The following LARP1 variants were observed in gnomAD, a reference collection of about 807,000 sequenced individuals.
The protein encoded by LARP1 is la-related protein 1.
A neutral mutation model predicts 122.7 loss-of-function variants in LARP1; 36 were observed. That is an observed-to-expected ratio of 0.29 (90% CI 0.22 to 0.39). The LOEUF is 0.39. LARP1 is among the 10% of genes least tolerant of loss of function. The probability of loss-of-function intolerance (pLI) is 1.00; values close to 1 mark genes in which losing one functional copy is unlikely to be tolerated. For missense variants in LARP1, 1,040 were observed against 1,403.6 expected (o/e 0.74, Z 4.14); for synonymous variants, 539 against 528.7 (o/e 1.02, Z -0.27).
chr5:154,744,616 A>ATTTTTT lies in LARP1; in HGVS notation c.205+31520_205+31525dup, dbSNP rs748853573. Among the ~76,000 whole-genome samples, 230 of 72,000 alleles carry ATTTTTT rather than the reference A, an allele frequency of 3.2e-3. 52 individuals are homozygous for ATTTTTT. The highest frequency in any genetic ancestry group is 5.6e-3 in the Non-Finnish European group (195 of 35,052). 47.2% of individuals were successfully genotyped at this position (72,000 alleles called of 152,430 possible). A position where few individuals can be genotyped will look rare whatever the true frequency, so the allele number is the denominator to read the frequency against. ...CAGGGGAAAGGGCATTGGATATGCA[A>ATTTTTT]TTTTTTTTTTTTTTTTTTTTTTTTT... On this transcript the variant is annotated intron_variant, in intron 1 of 18. Transcript: ENST00000336314.
At chr5:154,709,859 T>C (rs1227535525), upstream of LARP1, among the ~76,000 whole-genome samples, 1 of 152,158 alleles carries the variant, frequency 6.6e-6, no homozygotes, top group Non-Finnish European at 1.5e-5. Flanking sequence ...TGATTTATTA[T>C]GGTCTCTGTG....
intron 8 of LARP1, among the ~76,000 whole-genome samples, chr5:154,795,836 T>TTA (rs1757711077): frequency 7.4e-6 from 1 of 134,880 alleles, no homozygotes; most frequent in South Asian, 2.2e-4. Flanking sequence ...TATATATATT[T>TTA]TATATATATT....
At chr5:154,750,968 G>T (rs1260748254), upstream of LARP1, among the ~76,000 whole-genome samples, 2 of 152,122 alleles carry the variant, frequency 1.3e-5, no homozygotes, top group African/African-American at 4.8e-5. Context: ...CCTGATCCTT[G>T]TCACTTTCTG....
intron 8 of LARP1, among the ~76,000 whole-genome samples, chr5:154,798,485 G>A (rs769348577): frequency 2.6e-5 from 4 of 152,256 alleles, no homozygotes; most frequent in Non-Finnish European, 2.9e-5. Context: ...TGTGTGGAAT[G>A]CTCCATGTTT....
intron 7 of LARP1, 27 bp downstream of exon 7, chr5:154,794,289 T>C: frequency 6.2e-7 from 1 of 1,607,222 alleles, no homozygotes; most frequent in Non-Finnish European, 8.5e-7. Context: ...CTTCTTACCC[T>C]GGAGAAATGA....
chr5:154,776,773 TCA>T (rs537903466), intron 1 of LARP1, among the ~76,000 whole-genome samples: 304 of 152,354 alleles, frequency 2.0e-3, no homozygotes, highest in African/African-American at 7.2e-3. Context: ...GCCTGCTAGC[TCA>T]CTGATCTACA....
Position 154,693,604 on chromosome 5 carries a change from C to T in LARP1, c.-180+10567C>T, listed in dbSNP as rs1389139300. Among the ~76,000 whole-genome samples the T allele has an allele frequency of 5.3e-5, 8 of 151,940 alleles. No individual in the cohort carries two copies. The South Asian group carries it at 1.5e-3, about 28-fold the overall frequency. Reference sequence around the variant, plus strand: ...GGCGCGGTGGCTCACACCTGTAATCCCAGCACTTTGGGAGGCCGAGGCGGG... The same window carrying T: ...GGCGCGGTGGCTCACACCTGTAATCTCAGCACTTTGGGAGGCCGAGGCGGG... On this transcript the variant is annotated intron_variant, in intron 1 of 18. Transcript: ENST00000687700.
At position 154,793,965 on chromosome 5, in the gene LARP1, G is replaced by T; in HGVS notation, c.1034G>T (p.Gly345Val). ...ASFRGRGRGR[G>V]RGRGRGRGGT... is the part of the protein sequence containing the mutation. ...TTCCGTGGCCGTGGACGGGGGCGTG[G>T]TCGCGGCCGGGGACGCGGCCGGGGT... Residue 345 changes from glycine (G) to valine (V), a missense_variant, in exon 6 of 19, where the codon GGT becomes GTT. Gly to Val is a moderately radical substitution (Grantham distance 109, BLOSUM62 -3). Around this residue, in one of 8 missense-constraint regions of LARP1, gnomAD observed 178 missense variants for 178.3 expected, o/e 1.00. Transcript: ENST00000518297. 1.2e-6 allele frequency: 2 copies of T among 1,611,828 alleles called. No individual in the cohort carries two copies. Among genetic ancestry groups the T allele is most frequent in the Non-Finnish European group, 1.7e-6 (2 of 1,178,422 alleles).
At chr5:154,805,052 A>G (rs771169348) in intron 14 of LARP1, 13 of 379,542 alleles carry the variant, frequency 3.4e-5, no homozygotes, top group African/African-American at 6.3e-5. Flanking sequence ...TTTGCATATT[A>G]TATGTATTAC....
At position 154,800,430 on chromosome 5, in the gene LARP1, C is replaced by T. The variant is rs534223944; in HGVS notation, c.1716+388C>T. Among the ~76,000 whole-genome samples, 33 of 152,198 alleles carry T rather than the reference C, an allele frequency of 2.2e-4. No individual in the cohort carries two copies. In the South Asian group the frequency reaches 6.8e-3, roughly 32 times the overall value. On this transcript the variant is annotated intron_variant, in intron 10 of 18. Coordinates refer to ENST00000518297, the MANE Select transcript of LARP1 (RefSeq NM_033551.3). ...TCCCCACTATCATGTATGTAAGCCC[C>T]TTAGGTCCTCAGAAGAAGGAAGGGA... is the stretch of plus-strand genomic sequence containing the variant.
intron 1 of LARP1, among the ~76,000 whole-genome samples, chr5:154,775,002 C>G (rs551266788): frequency 4.6e-5 from 7 of 152,130 alleles, no homozygotes; most frequent in Non-Finnish European, 7.4e-5. Context: ...TCGGTGCTGC[C>G]AGGGGGAGAT....
chr5:154,746,045 G>A (rs183726694), intron 1 of LARP1, among the ~76,000 whole-genome samples: 3 of 152,262 alleles, frequency 2.0e-5, no homozygotes, highest in Admixed American at 1.3e-4. Context: ...TGATCTACCC[G>A]CCTTGGACTC....
chr5:154,705,011 A>G (rs4958386), intron 1 of LARP1, among the ~76,000 whole-genome samples: 114,440 of 150,914 alleles, frequency 0.76, 43,846 homozygotes, highest in African/African-American at 0.88. Flanking sequence ...CCAGCTACTC[A>G]GGAGGCTGAG....
chr5:154,785,082 G>A lies in LARP1; in HGVS notation c.437-5243G>A, dbSNP rs534071647. On this transcript the variant is annotated intron_variant, in intron 1 of 18. Transcript: ENST00000518297. The stretch of plus-strand genomic sequence containing the variant: ...AGGGCTTTATGTCAAAGCACCCCTG[G>A]GGGACCTGTGATAAATTCCCCCATC... Among the ~76,000 whole-genome samples the A allele has an allele frequency of 7.9e-5, 12 of 152,312 alleles. No homozygotes were observed. In the East Asian group the frequency reaches 1.9e-3, roughly 24 times the overall value.
intron 1 of LARP1, among the ~76,000 whole-genome samples, chr5:154,734,400 A>G (rs1320232907): frequency 6.6e-6 from 1 of 152,226 alleles, no homozygotes; most frequent in Non-Finnish European, 1.5e-5. Flanking sequence ...AATTGTTTTA[A>G]TAAGTAACAA....
chr5:154,755,325 G>T (rs1561567782), upstream of LARP1, among the ~76,000 whole-genome samples: 1 of 149,132 alleles, frequency 6.7e-6, no homozygotes, highest in African/African-American at 2.4e-5. Context: ...CCCGCCCGCC[G>T]CCTGCCGCGG....
upstream of LARP1, among the ~76,000 whole-genome samples, chr5:154,754,094 G>C (rs544367862): frequency 6.6e-6 from 1 of 152,204 alleles, no homozygotes; most frequent in South Asian, 2.1e-4. Flanking sequence ...TGGCATCTGC[G>C]TTCAAAGAAG....
chr5:154,698,462 TG>T (rs1226120262), intron 1 of LARP1, among the ~76,000 whole-genome samples: 1 of 152,126 alleles, frequency 6.6e-6, no homozygotes, highest in African/African-American at 2.4e-5. Flanking sequence ...CCGGATGTGG[TG>T]GCAGGCGCCT....
At chr5:154,790,898 A>C (rs577244580) in intron 3 of LARP1, among the ~76,000 whole-genome samples, 188 bp downstream of exon 3, 1 of 150,244 alleles carries the variant, frequency 6.7e-6, no homozygotes, top group African/African-American at 2.5e-5. Flanking sequence ...GCTCACTGCA[A>C]CCTCCACCTC....
Sources: allele counts gnomAD v4.1 joint callset (sites outside exome capture counted in the v4.1 genomes callset), GRCh38; gene constraint gnomAD v4.1.1; regional missense constraint gnomAD v4.1.1; transcripts MANE v1.5; gene names NCBI Gene and HGNC (gene_info 2026-07-23, HGNC 2026-07-21).